SLC41A2: variants seen among roughly 807,000 people sequenced by gnomAD.
SLC41A2 encodes SLC41A1-like 1.
Under a neutral mutation model 58.3 loss-of-function variants are expected in SLC41A2, and 32 were observed. That is an observed-to-expected ratio of 0.55 (90% CI 0.41 to 0.74). The LOEUF is 0.74. Ranked by LOEUF, SLC41A2 falls within the 30% of genes least tolerant of loss-of-function variation. SLC41A2 has a pLI of 0.00. For missense variants in SLC41A2, 514 were observed against 680.6 expected (o/e 0.76, Z 2.72); for synonymous variants, 190 against 235.0 (o/e 0.81, Z 1.75).
At chr12:104,861,793 A>T (rs976776365) in intron 7 of SLC41A2, among the ~76,000 whole-genome samples, 9 of 152,312 alleles carry the variant, frequency 5.9e-5, no homozygotes, top group African/African-American at 2.2e-4. Context: ...AAAATAATTT[A>T]AAAAAGAGTA....
chr12:104,832,751 A>C (rs910470985), intron 10 of SLC41A2, among the ~76,000 whole-genome samples: 2 of 152,160 alleles, frequency 1.3e-5, no homozygotes, highest in African/African-American at 2.4e-5. Context: ...CTAAAAAGAA[A>C]AAAAAAAGGC....
chr12:104,871,473 A>G (rs1257349301), intron 6 of SLC41A2, among the ~76,000 whole-genome samples: 1 of 152,130 alleles, frequency 6.6e-6, no homozygotes, highest in African/African-American at 2.4e-5. Flanking sequence ...AAGCCACACA[A>G]AAGTATATCA....
chr12:104,912,220 G>A (rs967571874), intron 2 of SLC41A2, among the ~76,000 whole-genome samples: 3 of 152,132 alleles, frequency 2.0e-5, no homozygotes, highest in African/African-American at 4.8e-5. Flanking sequence ...ATCTAAAATC[G>A]TTAGAATTTA....
intron 1 of SLC41A2, among the ~76,000 whole-genome samples, chr12:104,954,136 T>C (rs1039948351): frequency 2.6e-5 from 4 of 152,174 alleles, no homozygotes; most frequent in African/African-American, 7.2e-5. Context: ...GGGCAAACTT[T>C]GCCCAATATT....
intron 3 of SLC41A2, among the ~76,000 whole-genome samples, chr12:104,907,635 T>C (rs1175006407): frequency 6.6e-6 from 1 of 152,236 alleles, no homozygotes; most frequent in Non-Finnish European, 1.5e-5. Flanking sequence ...ATTGGTTTTA[T>C]AAATTCTGAC....
At chr12:104,951,948 C>T (rs544464173) in intron 1 of SLC41A2, among the ~76,000 whole-genome samples, 2 of 151,940 alleles carry the variant, frequency 1.3e-5, no homozygotes, top group Non-Finnish European at 2.9e-5. Flanking sequence ...GGATTGGCTG[C>T]TCCTGTGAGC....
At chr12:104,899,185 G>A (rs776216792) in intron 3 of SLC41A2, among the ~76,000 whole-genome samples, 22 of 151,894 alleles carry the variant, frequency 1.4e-4, no homozygotes, top group African/African-American at 5.3e-4. Context: ...AAACATATTT[G>A]TCTTTATTTG....
At chr12:104,927,666 TA>T (rs1256943609) in intron 2 of SLC41A2, among the ~76,000 whole-genome samples, 4 of 152,166 alleles carry the variant, frequency 2.6e-5, no homozygotes, top group Admixed American at 1.3e-4. Context: ...ATTTTTATTT[TA>T]AAAGTAAGAA....
Position 104,906,385 on chromosome 12 carries a change from A to T in SLC41A2, c.663+3270T>A, listed in dbSNP as rs539661571. 2.0e-5 allele frequency among the ~76,000 whole-genome samples: 3 copies of T among 150,264 alleles called. No homozygotes were observed. In the East Asian group the frequency reaches 5.9e-4, roughly 30 times the overall value. ...GGGTGTTTGTTGGAGGTGTAGATGG[A>T]GCTTGGACATGGGGCCTGGTGTATG... On this transcript the variant is annotated intron_variant, in intron 3 of 10. Coordinates refer to ENST00000258538, the MANE Select transcript of SLC41A2 (RefSeq NM_001352171.3).
intron 6 of SLC41A2, among the ~76,000 whole-genome samples, chr12:104,880,786 T>C (rs1288130406): frequency 6.6e-6 from 1 of 152,178 alleles, no homozygotes; most frequent in Admixed American, 6.5e-5. Context: ...TCTTTTTTTG[T>C]TGTGTCTCTG....
In SLC41A2 at chr12:104,834,047, T is replaced by C. The variant is rs2136290162; in HGVS notation, c.1536+10425A>G. The C allele has an allele frequency of 6.1e-6, 6 of 985,374 alleles. No individual in the cohort carries two copies. The South Asian group carries it at 2.8e-4, about 46-fold the overall frequency. 61.0% of individuals were successfully genotyped at this position (985,374 alleles called of 1,614,324 possible). On this transcript the variant is annotated intron_variant, in intron 10 of 10. Coordinates refer to ENST00000258538, the MANE Select transcript of SLC41A2 (RefSeq NM_001352171.3). The stretch of plus-strand genomic sequence containing the variant: ...TTCCCTGGTTCTACCTTCACCTTTA[T>C]CAGGCTTTACAAGACCGAAAAGAGC...
chr12:104,935,133 A>T (rs2047211469), intron 1 of SLC41A2, among the ~76,000 whole-genome samples: 1 of 151,914 alleles, frequency 6.6e-6, no homozygotes, highest in African/African-American at 2.4e-5. Context: ...AATTTTTTGT[A>T]TTTTTAGTAG....
intron 10 of SLC41A2, among the ~76,000 whole-genome samples, chr12:104,818,407 T>A (rs550989520): frequency 6.6e-6 from 1 of 152,240 alleles, no homozygotes; most frequent in South Asian, 2.1e-4. Context: ...TAATAGCACA[T>A]TAGACACACT....
At chr12:104,923,042 G>A (rs2046666652) in intron 2 of SLC41A2, among the ~76,000 whole-genome samples, 1 of 151,704 alleles carries the variant, frequency 6.6e-6, no homozygotes, top group Non-Finnish European at 1.5e-5. Context: ...AGTATTAAGA[G>A]GAAAGTTTAT....
intron 8 of SLC41A2, 144 bp from the exon 9 acceptor site, chr12:104,846,118 G>A: frequency 1.3e-6 from 1 of 790,252 alleles, no homozygotes; most frequent in Non-Finnish European, 2.0e-6. Flanking sequence ...TCTATTTAAT[G>A]TTGAAGTAGA....
At chr12:104,834,293 T>TA in intron 10 of SLC41A2, 1 of 535,578 alleles carries the variant, frequency 1.9e-6, no homozygotes, top group Non-Finnish European at 2.4e-6. Flanking sequence ...ACGAGGCTGT[T>TA]AAAAAATAAT....
intron 5 of SLC41A2, 126 bp downstream of exon 5, chr12:104,888,907 A>T: frequency 2.0e-6 from 2 of 981,600 alleles, no homozygotes; most frequent in Non-Finnish European, 2.9e-6. Flanking sequence ...GGCATTTTTT[A>T]AGTTTGTAGA....
At chr12:104,863,583 C>T (rs921262243) in intron 7 of SLC41A2, among the ~76,000 whole-genome samples, 1 of 152,080 alleles carries the variant, frequency 6.6e-6, no homozygotes, top group African/African-American at 2.4e-5. Flanking sequence ...TTCTAAATAA[C>T]ATGCTTATAC....
intron 4 of SLC41A2, among the ~76,000 whole-genome samples, chr12:104,890,518 T>C (rs1314893140): frequency 6.6e-6 from 1 of 152,176 alleles, no homozygotes; most frequent in Non-Finnish European, 1.5e-5. Context: ...CATCATGGTG[T>C]GTATATATGT....
Sources: allele counts gnomAD v4.1 joint callset (sites outside exome capture counted in the v4.1 genomes callset), GRCh38; gene constraint gnomAD v4.1.1; transcripts MANE v1.5; gene names NCBI Gene and HGNC (gene_info 2026-07-23, HGNC 2026-07-21).